COL4A2: variants seen among roughly 807,000 people sequenced by gnomAD.
The protein encoded by COL4A2 is collagen type IV alpha 2 chain.
COL4A2 carries 99 observed loss-of-function variants against 200.2 expected under a neutral mutation model. The ratio of observed to expected loss-of-function variants is 0.49; its 90% CI spans 0.42 to 0.58. The LOEUF (loss-of-function observed/expected upper bound fraction) is 0.58. COL4A2 is among the 20% of genes least tolerant of loss of function. COL4A2 has a pLI of 0.00. For missense variants in COL4A2, 1,950 were observed against 2,314.1 expected (o/e 0.84, Z 3.23); for synonymous variants, 897 against 900.6 (o/e 1.00, Z 0.07).
At chr13:110,356,791 C>T (rs1357828628) in intron 3 of COL4A2, among the ~76,000 whole-genome samples, 2 of 145,908 alleles carry the variant, frequency 1.4e-5, no homozygotes, top group Admixed American at 6.9e-5. Flanking sequence ...TTTTTTGAGA[C>T]AGTCTTACTC....
At chr13:110,426,342 C>T (rs567509808) in intron 6 of COL4A2, among the ~76,000 whole-genome samples, 17 of 152,308 alleles carry the variant, frequency 1.1e-4, no homozygotes, top group African/African-American at 4.1e-4. Flanking sequence ...AGATGTCTCA[C>T]AAACTAGGGA....
At chr13:110,316,526 A>AGAGG (rs1374491955) in intron 3 of COL4A2, among the ~76,000 whole-genome samples, 2 of 152,216 alleles carry the variant, frequency 1.3e-5, no homozygotes, top group Non-Finnish European at 2.9e-5. Flanking sequence ...GGTGAAAGGA[A>AGAGG]GAGGTCCCCT....
At chr13:110,510,161 C>T (rs916538913) in intron 47 of COL4A2, among the ~76,000 whole-genome samples, 9 of 152,226 alleles carry the variant, frequency 5.9e-5, no homozygotes, top group African/African-American at 1.2e-4. Context: ...ACGCAGAAGG[C>T]GAGAGCAGTG....
In COL4A2 at chr13:110,472,997, A is replaced by G. The variant is rs1312698644; in HGVS notation, c.2272A>G (p.Ile758Val). The change falls in exon 29 of 48, where the codon ATC becomes GTC. Residue 758 changes from isoleucine to valine, a missense_variant. Around this residue, in one of 2 missense-constraint regions of COL4A2, gnomAD observed 1,385 missense variants for 1,720.5 expected, o/e 0.80. Transcript: ENST00000360467. Reference sequence around the variant, plus strand: ...TGGCCCAGATGGATCCCCAGGTCCCATCGGCCTGCCAGGGCCAGATGGGCC... The same window carrying G: ...TGGCCCAGATGGATCCCCAGGTCCCGTCGGCCTGCCAGGGCCAGATGGGCC... ...LPGPDGSPGP[I>V]GLPGPDGPPG... The G allele has an allele frequency of 1.3e-6, 2 of 1,534,466 alleles. No homozygotes were observed. The highest frequency in any genetic ancestry group is 2.4e-5 in the East Asian group (1 of 41,564).
At chr13:110,478,247 T>C in intron 30 of COL4A2, 83 bp downstream of exon 30, 1 of 1,364,544 alleles carries the variant, frequency 7.3e-7, no homozygotes, top group Non-Finnish European at 9.7e-7. Flanking sequence ...TGTGGAGCTC[T>C]CAAAGTCTGT....
At position 110,393,724 on chromosome 13, in the gene COL4A2, T is replaced by C. The variant is rs995549151; in HGVS notation, c.181-31010T>C. On this transcript the variant is annotated intron_variant, in intron 4 of 47. Transcript: ENST00000360467. ...TGAAACCCCAACTCTACTAAAAATA[T>C]AAAAAATAGACGGGCGTGGTGGCAC... is the stretch of plus-strand genomic sequence containing the variant. 7.3e-5 allele frequency among the ~76,000 whole-genome samples: 11 copies of C among 151,672 alleles called. No homozygotes were observed. The South Asian group carries it at 1.9e-3, about 26-fold the overall frequency.
intron 4 of COL4A2, among the ~76,000 whole-genome samples, chr13:110,363,367 C>T (rs2139394265): frequency 1.3e-5 from 2 of 152,328 alleles, no homozygotes; most frequent in South Asian, 4.1e-4. Context: ...GAGTTTCCCA[C>T]AGTCTATGGG....
chr13:110,443,992 C>T (rs1318490247), intron 16 of COL4A2, among the ~76,000 whole-genome samples: 3 of 152,154 alleles, frequency 2.0e-5, no homozygotes, highest in South Asian at 2.1e-4. Flanking sequence ...CTCCTTAAGT[C>T]GTGCATAACC....
Position 110,441,226 on chromosome 13 carries a change from G to A in COL4A2, c.957+1393G>A, listed in dbSNP as rs191446992. Among the ~76,000 whole-genome samples, 229 of 152,282 alleles carry A rather than the reference G, an allele frequency of 1.5e-3. 1 individual carries two copies. The highest frequency in any genetic ancestry group is 5.2e-3 in the African/African-American group (218 of 41,560). ...CACAGAGAGTAGTGTGGCGTCTGGA[G>A]GCCCATGGGCTTCAGTTAGCTGGTA... On this transcript the variant is annotated intron_variant, in intron 16 of 47. Coordinates refer to ENST00000360467, the MANE Select transcript of COL4A2 (RefSeq NM_001846.4).
Position 110,469,118 on chromosome 13 carries a change from C to T in COL4A2, c.2096-99C>T, listed in dbSNP as rs118191562. ...TATTCCCCCCAGCCTCATCATTTCC[C>T]GGTTTCATGAGATCCACATTAAGTC... On this transcript the variant is annotated intron_variant, in intron 27 of 47. Transcript: ENST00000360467. 0.022 allele frequency: 29,414 copies of T among 1,353,442 alleles called. 404 individuals are homozygous for T. Among genetic ancestry groups the T allele is most frequent in the Non-Finnish European group, 0.025 (24,136 of 980,538 alleles). The allele number at this position is 1,353,442 out of a possible 1,614,324, so 83.8% of individuals were successfully genotyped here.
At chr13:110,436,007 A>C in intron 12 of COL4A2, 1 of 561,104 alleles carries the variant, frequency 1.8e-6, no homozygotes, top group Non-Finnish European at 3.2e-6. Flanking sequence ...ACAACCCCAC[A>C]GAAACAAATG....
chr13:110,340,404 T>C (rs1876398739), intron 3 of COL4A2, among the ~76,000 whole-genome samples: 1 of 152,242 alleles, frequency 6.6e-6, no homozygotes, highest in Admixed American at 6.5e-5. Context: ...GATATGGCCA[T>C]GGTCCTCATG....
At position 110,485,751 on chromosome 13, in the gene COL4A2, TC is replaced by T. The variant is rs1268038830; in HGVS notation, c.3126del (p.Gly1043AlafsTer24). The T allele has an allele frequency of 5.6e-6, 9 of 1,613,580 alleles. No homozygotes were observed. The highest frequency in any genetic ancestry group is 1.1e-5 in the South Asian group (1 of 91,062). ...HIKGVKGDIG[V>X]PGIPGLPGFP... Reference sequence around the variant, plus strand: ...AAAGGAGTCAAGGGAGACATCGGAGTCCCCGGCATCCCCGGTTTGCCAGGAT... The same window carrying T: ...AAAGGAGTCAAGGGAGACATCGGAGTCCCGGCATCCCCGGTTTGCCAGGAT... On this transcript the variant is annotated frameshift_variant, in exon 34 of 48. Coordinates refer to ENST00000360467, the MANE Select transcript of COL4A2 (RefSeq NM_001846.4). LOFTEE classifies it high-confidence loss of function.
chr13:110,478,287 T>C, intron 30 of COL4A2, 123 bp downstream of exon 30: 1 of 921,956 alleles, frequency 1.1e-6, no homozygotes, highest in Non-Finnish European at 1.5e-6. Flanking sequence ...GGTGCAGGGG[T>C]TCCCAAACCA....
intron 4 of COL4A2, among the ~76,000 whole-genome samples, chr13:110,378,680 C>T (rs1241935957): frequency 3.3e-5 from 5 of 152,330 alleles, no homozygotes; most frequent in Admixed American, 3.3e-4. Context: ...CATGAAAAGT[C>T]GCATTAAAAC....
intron 4 of COL4A2, among the ~76,000 whole-genome samples, chr13:110,416,232 G>A (rs1270248437): frequency 2.0e-5 from 3 of 152,208 alleles, no homozygotes; most frequent in East Asian, 1.9e-4. Context: ...TAGAAAGAGC[G>A]TTTCATACCC....
At chr13:110,352,614 G>T (rs1799329986) in intron 3 of COL4A2, among the ~76,000 whole-genome samples, 1 of 152,156 alleles carries the variant, frequency 6.6e-6, no homozygotes, top group African/African-American at 2.4e-5. Flanking sequence ...CCTTTGTCAT[G>T]TTAGTTTGGA....
chr13:110,495,598 AGGACTACCT>A (rs1883430700), intron 40 of COL4A2, 131 bp downstream of exon 40: 1 of 1,202,522 alleles, frequency 8.3e-7, no homozygotes, highest in African/African-American at 1.5e-5. Context: ...TTTTCTGGGG[AGGACTACCT>A]GTTGCAGGAC....
At chr13:110,385,143 T>C (rs1057495500) in intron 4 of COL4A2, among the ~76,000 whole-genome samples, 11 of 151,940 alleles carry the variant, frequency 7.2e-5, no homozygotes, top group Admixed American at 3.3e-4. Flanking sequence ...GTGCCTGTAG[T>C]CCCAGCCACT....
Sources: allele counts gnomAD v4.1 joint callset (sites outside exome capture counted in the v4.1 genomes callset), GRCh38; gene constraint gnomAD v4.1.1; regional missense constraint gnomAD v4.1.1; transcripts MANE v1.5; gene names NCBI Gene and HGNC (gene_info 2026-07-23, HGNC 2026-07-21).